Variants in MEF2A observed in about 807,000 individuals in gnomAD.
The protein encoded by MEF2A is myocyte enhancer factor 2A.
In MEF2A, 28 loss-of-function variants were observed where a neutral mutation model predicts 55.8. The observed-to-expected ratio is 0.50, with a 90% confidence interval of 0.37 to 0.69. The LOEUF (loss-of-function observed/expected upper bound fraction) is 0.69. MEF2A is among the 30% of genes least tolerant of loss of function. The pLI is 0.00. For synonymous variants in MEF2A, 239 were observed against 227.1 expected (o/e 1.05, Z -0.47); for missense variants, 528 against 626.2 (o/e 0.84, Z 1.67).
chr15:99,627,469 A>T (rs1055998288), intron 2 of MEF2A, among the ~76,000 whole-genome samples: 1 of 145,094 alleles, frequency 6.9e-6, no homozygotes, highest in Non-Finnish European at 1.5e-5. Flanking sequence ...ATAATTGTAG[A>T]CTTGACTTAG....
chr15:99,644,082 A>G (rs2045527109), intron 3 of MEF2A, among the ~76,000 whole-genome samples: 1 of 152,230 alleles, frequency 6.6e-6, no homozygotes, highest in South Asian at 2.1e-4. Context: ...TTACTAGCTA[A>G]CAGAATATTT....
At chr15:99,673,290 A>G (rs998689051) in intron 5 of MEF2A, among the ~76,000 whole-genome samples, 1 of 152,242 alleles carries the variant, frequency 6.6e-6, no homozygotes, top group Non-Finnish European at 1.5e-5. Context: ...AAAACAATAC[A>G]GTAGCAAATA....
At chr15:99,691,858 C>CGA (rs2055538574) in intron 8 of MEF2A, among the ~76,000 whole-genome samples, 1 of 152,030 alleles carries the variant, frequency 6.6e-6, no homozygotes, top group African/African-American at 2.4e-5. Flanking sequence ...GCCTCTATTC[C>CGA]ACTCCTTGAT....
At chr15:99,701,306 C>G (rs1003500820) in intron 8 of MEF2A, among the ~76,000 whole-genome samples, 3 of 152,172 alleles carry the variant, frequency 2.0e-5, no homozygotes, top group African/African-American at 7.2e-5. Flanking sequence ...CCATGCCCTT[C>G]TATCTGATTA....
In MEF2A at chr15:99,673,729, C is replaced by T. The variant is rs529372534; in HGVS notation, c.391-664C>T. 7.9e-5 allele frequency among the ~76,000 whole-genome samples: 12 copies of T among 152,164 alleles called. No individual in the cohort carries two copies. The South Asian group carries it at 2.3e-3, about 29-fold the overall frequency. ...TAATATTTGTAATTTAATCTTTATA[C>T]AATTTAAAGAAGATACCAAAAACTT... On this transcript the variant is annotated intron_variant, in intron 5 of 11. Transcript: ENST00000557942.
chr15:99,696,694 A>G (rs1047093314), intron 8 of MEF2A, among the ~76,000 whole-genome samples: 1 of 151,902 alleles, frequency 6.6e-6, no homozygotes. Flanking sequence ...CTCAAAAAAG[A>G]AGAGCAAACT....
intron 2 of MEF2A, among the ~76,000 whole-genome samples, chr15:99,613,884 T>C (rs2039730229): frequency 6.6e-6 from 1 of 152,212 alleles, no homozygotes; most frequent in Non-Finnish European, 1.5e-5. Flanking sequence ...ATTGTTTTAA[T>C]ATTCTACTAC....
intron 3 of MEF2A, among the ~76,000 whole-genome samples, chr15:99,643,464 CCTTTCCTTATTG>C (rs2045391941): frequency 6.6e-6 from 1 of 152,008 alleles, no homozygotes; most frequent in Admixed American, 6.5e-5. Context: ...ATTTTTCATT[CCTTTCCTTATTG>C]CTTTCCTCCA....
intron 1 of MEF2A, among the ~76,000 whole-genome samples, chr15:99,597,636 T>G (rs941194496): frequency 3.3e-5 from 5 of 152,230 alleles, no homozygotes; most frequent in African/African-American, 7.2e-5. Context: ...CTTTTGAAAC[T>G]CCCTAATAAA....
Position 99,690,378 on chromosome 15 carries a change from G to C in MEF2A, c.808G>C (p.Asp270His). The change falls in exon 8 of 12, where the codon GAT (aspartate) becomes CAT (histidine). Residue 270 changes from aspartate to histidine, a missense_variant. This residue lies in a region of MEF2A where 450 missense variants were observed against 475.3 expected (regional missense o/e 0.95). Coordinates refer to ENST00000557942, the MANE Select transcript of MEF2A (RefSeq NM_001319206.4). ...TCTTGGAATGAACAGTAGGAAACCA[G>C]ATCTTCGAGTTGTCATCCCCCCTTC... is the stretch of plus-strand genomic sequence containing the variant. ...GNLGMNSRKP[D>H]LRVVIPPSSK... is the part of the protein sequence containing the mutation. 6.2e-7 allele frequency: 1 copy of C among 1,609,624 alleles called. No individual in the cohort carries two copies.
At chr15:99,621,347 A>G (rs1356649096) in intron 2 of MEF2A, among the ~76,000 whole-genome samples, 1 of 152,094 alleles carries the variant, frequency 6.6e-6, no homozygotes, top group East Asian at 1.9e-4. Flanking sequence ...GTTGGGATGA[A>G]CATCCTTATT....
intron 9 of MEF2A, among the ~76,000 whole-genome samples, chr15:99,706,182 G>A (rs1381989746): frequency 1.3e-5 from 2 of 152,210 alleles, no homozygotes. Flanking sequence ...AGGGATACAT[G>A]TCCGAATCTG....
intron 1 of MEF2A, among the ~76,000 whole-genome samples, chr15:99,567,626 A>ACT (rs1378675060): frequency 4.9e-5 from 6 of 122,086 alleles, no homozygotes; most frequent in Admixed American, 8.5e-5. Context: ...TTTTGTATGT[A>ACT]CTGTGTGTGT....
intron 5 of MEF2A, chr15:99,671,682 C>CT (rs2050900884): frequency 6.5e-7 from 1 of 1,537,542 alleles, no homozygotes; most frequent in Non-Finnish European, 8.7e-7. Flanking sequence ...ATGGTTTGTG[C>CT]TTTTATCTTG....
chr15:99,671,535 G>T, intron 5 of MEF2A, 81 bp downstream of exon 5: 1 of 1,613,728 alleles, frequency 6.2e-7, no homozygotes, highest in Non-Finnish European at 8.5e-7. Context: ...GAACAAGAAG[G>T]AACACAGAGG....
intron 7 of MEF2A, among the ~76,000 whole-genome samples, chr15:99,679,055 C>A (rs1246798459): frequency 2.0e-5 from 3 of 152,060 alleles, no homozygotes; most frequent in Non-Finnish European, 2.9e-5. Context: ...GCACACCCAC[C>A]AGAATTGCTA....
intron 2 of MEF2A, among the ~76,000 whole-genome samples, 152 bp from the exon 3 acceptor site, chr15:99,632,826 C>CA (rs561855256): frequency 3.2e-4 from 49 of 152,268 alleles, no homozygotes; most frequent in African/African-American, 1.1e-3. Context: ...GTAAAGTTAA[C>CA]AAGACTTCAA....
chr15:99,663,095 C>A (rs532357126), intron 4 of MEF2A, among the ~76,000 whole-genome samples: 2 of 150,514 alleles, frequency 1.3e-5, no homozygotes, highest in Non-Finnish European at 3.0e-5. Flanking sequence ...TTTTTCAGTT[C>A]TTGGTAGGCA....
intron 10 of MEF2A, among the ~76,000 whole-genome samples, chr15:99,708,785 G>A (rs1192687353): frequency 6.6e-6 from 1 of 152,180 alleles, no homozygotes; most frequent in African/African-American, 2.4e-5. Context: ...TCTCAGCTCG[G>A]ACAGGAAGGA....
Sources: gnomAD v4.1 joint callset for allele counts (sites outside exome capture counted in the v4.1 genomes callset) on GRCh38, gnomAD v4.1.1 for gene constraint, gnomAD v4.1.1 regional missense constraint, MANE v1.5 for transcripts, NCBI Gene and HGNC (gene_info 2026-07-23, HGNC 2026-07-21) for gene names.